TMPRSS11F: variants seen among roughly 807,000 people sequenced by gnomAD.
TMPRSS11F encodes the protein transmembrane protease serine 11F.
A neutral mutation model predicts 60.2 loss-of-function variants in TMPRSS11F; 47 were observed. That is an observed-to-expected ratio of 0.78 (90% CI 0.62 to 1.00). TMPRSS11F has a LOEUF of 1.00. Ranked by LOEUF, TMPRSS11F falls within the 50% of genes least tolerant of loss-of-function variation. The pLI is 0.00. For missense variants in TMPRSS11F, 519 were observed against 522.9 expected (o/e 0.99, Z 0.07); for synonymous variants, 166 against 167.3 (o/e 0.99, Z 0.06).
At chr4:68,082,001 C>T in intron 3 of TMPRSS11F, among the ~76,000 whole-genome samples, 1 of 152,100 alleles carries the variant, frequency 6.6e-6, no homozygotes, top group East Asian at 1.9e-4. Flanking sequence ...AGGAACTTTC[C>T]CACTGAGAGA....
intron 9 of TMPRSS11F, among the ~76,000 whole-genome samples, chr4:68,056,866 A>C (rs534260532): frequency 6.6e-6 from 1 of 152,344 alleles, no homozygotes; most frequent in African/African-American, 2.4e-5. Flanking sequence ...TAGAATAGAA[A>C]GCCAGAAAAA....
At chr4:68,108,480 C>T (rs1278464942) in intron 1 of TMPRSS11F, among the ~76,000 whole-genome samples, 1 of 152,134 alleles carries the variant, frequency 6.6e-6, no homozygotes, top group Non-Finnish European at 1.5e-5. Context: ...TGCTGAATTT[C>T]ACACGGACTA....
At position 68,053,691 on chromosome 4, in the gene TMPRSS11F, G is replaced by A. The variant is rs1039696025; in HGVS notation, c.*218C>T. ...AGTTTCCCTTGTGAGTAAGGAATAG[G>A]TGCTGTCTGTCATTTGCTGTGTCTT... On this transcript the variant is annotated 3_prime_UTR_variant, in exon 10 of 10. Transcript: ENST00000356291. The A allele has an allele frequency of 1.3e-4, 56 of 428,964 alleles. No individual in the cohort carries two copies. The highest frequency in any genetic ancestry group is 2.0e-4 in the Non-Finnish European group (49 of 242,598). 26.6% of individuals were successfully genotyped at this position (428,964 alleles called of 1,614,324 possible).
intron 2 of TMPRSS11F, among the ~76,000 whole-genome samples, chr4:68,093,023 A>G (rs1214020955): frequency 3.3e-5 from 5 of 152,188 alleles, no homozygotes; most frequent in Admixed American, 1.3e-4. Context: ...TATGCAGAGA[A>G]CATGATATTT....
intron 3 of TMPRSS11F, among the ~76,000 whole-genome samples, chr4:68,087,952 G>C (rs184618989): frequency 6.9e-6 from 1 of 144,202 alleles, no homozygotes. Context: ...TCCCACCTAT[G>C]AGTGAGAATA....
chr4:68,090,306 CCTACT>C (rs1463768758), intron 3 of TMPRSS11F, among the ~76,000 whole-genome samples: 9 of 152,052 alleles, frequency 5.9e-5, no homozygotes, highest in African/African-American at 1.9e-4. Flanking sequence ...GAGTTAGTTG[CCTACT>C]CTAATCTACT....
At chr4:68,102,273 A>G (rs1466793791) in intron 1 of TMPRSS11F, among the ~76,000 whole-genome samples, 2 of 152,182 alleles carry the variant, frequency 1.3e-5, no homozygotes, top group Admixed American at 1.3e-4. Context: ...TAATGCAGCA[A>G]TGAATATGGG....
At chr4:68,126,663 A>T (rs1337843008) in intron 1 of TMPRSS11F, among the ~76,000 whole-genome samples, 2 of 152,236 alleles carry the variant, frequency 1.3e-5, no homozygotes, top group Admixed American at 1.3e-4. Context: ...AGAGTCTGCA[A>T]TGTGACAGGC....
chr4:68,072,777 G>A (rs78246150), intron 4 of TMPRSS11F, among the ~76,000 whole-genome samples: 6,213 of 152,144 alleles, frequency 0.041, 377 homozygotes, highest in African/African-American at 0.13. Flanking sequence ...GTTTGCGGGC[G>A]GAGATGTTGG....
At chr4:68,056,171 C>A (rs367839873) in intron 9 of TMPRSS11F, among the ~76,000 whole-genome samples, 1 of 151,956 alleles carries the variant, frequency 6.6e-6, no homozygotes, top group East Asian at 1.9e-4. Context: ...TGGAAGTTGT[C>A]GCTAGAGAAA....
chr4:68,058,172 A>G (rs977107526), intron 9 of TMPRSS11F, among the ~76,000 whole-genome samples: 13 of 152,214 alleles, frequency 8.5e-5, no homozygotes, highest in Admixed American at 8.5e-4. Context: ...CAGGGTGACT[A>G]TAATCAATAA....
Position 68,094,391 on chromosome 4 carries a change from G to A in TMPRSS11F, c.164-3750C>T, listed in dbSNP as rs1297904035. Among the ~76,000 whole-genome samples, 7 of 118,152 alleles carry A rather than the reference G, an allele frequency of 5.9e-5. No individual in the cohort carries two copies. The East Asian group carries it at 1.8e-3, about 31-fold the overall frequency. 77.5% of individuals were successfully genotyped at this position (118,152 alleles called of 152,430 possible). The stretch of plus-strand genomic sequence containing the variant: ...AAGAAGGGGAACATCACACTCTGGG[G>A]ACTGTTGTGGGGTGGGGGGAGGGGG... On this transcript the variant is annotated intron_variant, in intron 2 of 9. Coordinates refer to ENST00000356291, the MANE Select transcript of TMPRSS11F (RefSeq NM_207407.2).
intron 3 of TMPRSS11F, among the ~76,000 whole-genome samples, chr4:68,088,186 G>A (rs1268023714): frequency 6.6e-6 from 1 of 151,796 alleles, no homozygotes; most frequent in Non-Finnish European, 1.5e-5. Flanking sequence ...CAAAATAAAA[G>A]GATGGAGGAA....
At chr4:68,082,503 G>A (rs1033753914) in intron 3 of TMPRSS11F, among the ~76,000 whole-genome samples, 1 of 152,196 alleles carries the variant, frequency 6.6e-6, no homozygotes, top group African/African-American at 2.4e-5. Flanking sequence ...CTTCTGTACA[G>A]CTGGCTGTCC....
intron 9 of TMPRSS11F, among the ~76,000 whole-genome samples, chr4:68,056,697 A>G (rs1723054890): frequency 1.4e-5 from 2 of 145,902 alleles, no homozygotes; most frequent in Admixed American, 7.5e-5. Context: ...CCTTAAATCC[A>G]TATAGAAGCA....
chr4:68,077,106 T>G (rs1291810463), intron 3 of TMPRSS11F, among the ~76,000 whole-genome samples: 3 of 152,206 alleles, frequency 2.0e-5, no homozygotes, highest in Admixed American at 2.0e-4. Context: ...CTTCCAGCTC[T>G]GTCACATTAA....
At chr4:68,114,462 T>C in intron 1 of TMPRSS11F, among the ~76,000 whole-genome samples, 1 of 152,096 alleles carries the variant, frequency 6.6e-6, no homozygotes, top group East Asian at 1.9e-4. Flanking sequence ...TTTGCTCATG[T>C]AGATAAAATG....
rs75113086 is a variant in TMPRSS11F, at chr4:68,098,385, C to T, written c.163+502G>A. Among the ~76,000 whole-genome samples, 1,352 of 152,254 alleles carry T rather than the reference C, an allele frequency of 8.9e-3. 26 individuals carry two copies. The highest frequency in any genetic ancestry group is 0.031 in the African/African-American group (1,283 of 41,556). On this transcript the variant is annotated intron_variant, in intron 2 of 9. Coordinates refer to ENST00000356291, the MANE Select transcript of TMPRSS11F (RefSeq NM_207407.2). ...ATTGTCATTTGGCTCAACTATGATA[C>T]TGACTCTCCATTTTTGCATATATAA...
At chr4:68,054,131 C>A in intron 9 of TMPRSS11F, 64 bp from the exon 10 acceptor site, 2 of 1,473,176 alleles carry the variant, frequency 1.4e-6, no homozygotes, top group Non-Finnish European at 1.9e-6. Context: ...GTATTGTAAT[C>A]TGACGTTCAC....
Sources: gnomAD v4.1 joint callset for allele counts (sites outside exome capture counted in the v4.1 genomes callset) on GRCh38, gnomAD v4.1.1 for gene constraint, MANE v1.5 for transcripts, NCBI Gene and HGNC (gene_info 2026-07-23, HGNC 2026-07-21) for gene names.